Variants in SLCO4C1 observed in about 807,000 individuals in gnomAD.
SLCO4C1 encodes the protein solute carrier organic anion transporter family member 4C1, also known as organic anion transporter M1.
SLCO4C1 carries 58 observed loss-of-function variants against 72.1 expected under a neutral mutation model. The observed-to-expected ratio is 0.80, with a 90% CI of 0.65 to 1.00. The LOEUF is 1.00. SLCO4C1 is among the 50% of genes least tolerant of loss of function. SLCO4C1 has a pLI of 0.00. For synonymous variants in SLCO4C1, 297 were observed against 312.5 expected (o/e 0.95, Z 0.52); for missense variants, 898 against 857.9 (o/e 1.05, Z -0.58).
chr5:102,288,994 C>T (rs1191392188), intron 2 of SLCO4C1, among the ~76,000 whole-genome samples: 1 of 152,110 alleles, frequency 6.6e-6, no homozygotes, highest in African/African-American at 2.4e-5. Context: ...CATGTGTAGT[C>T]CATATCAATA....
chr5:102,295,859 C>T, intron 1 of SLCO4C1, 49 bp downstream of exon 1: 3 of 1,536,404 alleles, frequency 2.0e-6, no homozygotes, highest in Non-Finnish European at 1.8e-6. Context: ...CTCGCCGTGC[C>T]CACCTCGCTC....
chr5:102,262,140 AT>A, intron 4 of SLCO4C1, 107 bp from the exon 5 acceptor site: 1 of 815,022 alleles, frequency 1.2e-6, no homozygotes, highest in Non-Finnish European at 1.8e-6. Context: ...GTAGAATATG[AT>A]TATAATATCC....
rs1470003346 is a variant in SLCO4C1, at chr5:102,263,310, TCA to T, written c.899+372_899+373del. ...GTTACTATGGAACATTTTCTGAGAA[TCA>T]CAGACTCTTGAGACTCTTCAGACTA... On this transcript the variant is annotated intron_variant, in intron 4 of 12. Transcript: ENST00000310954. 5.3e-5 allele frequency among the ~76,000 whole-genome samples: 8 copies of T among 152,266 alleles called. No homozygotes were observed. The South Asian group carries it at 8.3e-4, about 16-fold the overall frequency.
chr5:102,284,734 T>C (rs1183978062), intron 2 of SLCO4C1, among the ~76,000 whole-genome samples: 1 of 152,188 alleles, frequency 6.6e-6, no homozygotes, highest in African/African-American at 2.4e-5. Flanking sequence ...CAGAAATGTT[T>C]GGACATGTTT....
At chr5:102,284,190 G>A (rs374267894) in intron 2 of SLCO4C1, among the ~76,000 whole-genome samples, 10 of 151,854 alleles carry the variant, frequency 6.6e-5, no homozygotes, top group African/African-American at 2.4e-4. Context: ...TGGAAAATGT[G>A]GACAGAGAAT....
chr5:102,241,120 T>C (rs1748532383), intron 10 of SLCO4C1, among the ~76,000 whole-genome samples: 1 of 152,196 alleles, frequency 6.6e-6, no homozygotes, highest in Non-Finnish European at 1.5e-5. Flanking sequence ...CTCAATATAA[T>C]AGAGCCCAAA....
At chr5:102,286,218 T>C (rs1429714347) in intron 2 of SLCO4C1, among the ~76,000 whole-genome samples, 1 of 152,096 alleles carries the variant, frequency 6.6e-6, no homozygotes, top group Non-Finnish European at 1.5e-5. Flanking sequence ...GGAAAGGAGA[T>C]GGAAAAGAGA....
rs763213118 is a variant in SLCO4C1 at position 102,291,383 on chromosome 5, T to C, written c.579A>G (p.Gln193=). ...GLGALVFSLP[Q]FFSGEYKLGS... is the part of the protein sequence containing the mutation. ...CCAATTTATATTCTCCACTGAAAAA[T>C]TGTGGCAATGAGAATACAAGTGCTC... Residue 193 remains glutamine, a synonymous_variant, in exon 2 of 13, where the codon CAA becomes CAG. Transcript: ENST00000310954. The C allele has an allele frequency of 1.3e-4, 203 of 1,613,934 alleles. 1 individual carries two copies. In the East Asian group the frequency reaches 3.7e-3, roughly 29 times the overall value.
chr5:102,267,056 A>G (rs1749054912), intron 3 of SLCO4C1, among the ~76,000 whole-genome samples: 1 of 152,098 alleles, frequency 6.6e-6, no homozygotes, highest in South Asian at 2.1e-4. Flanking sequence ...ATTTGTATCT[A>G]TGTTCATTAG....
chr5:102,281,960 T>G (rs1254434194), intron 2 of SLCO4C1, among the ~76,000 whole-genome samples: 2 of 152,130 alleles, frequency 1.3e-5, no homozygotes, highest in Non-Finnish European at 2.9e-5. Flanking sequence ...ACACTAATGT[T>G]TGTAGCTTTA....
At position 102,291,370 on chromosome 5, in the gene SLCO4C1, C is replaced by G. The variant is rs773202248; in HGVS notation, c.592G>C (p.Glu198Gln). ...VFSLPQFFSGEYKLGSLFEDT... is the reference protein window; with the variant it reads ...VFSLPQFFSGQYKLGSLFEDT... The stretch of plus-strand genomic sequence containing the variant: ...TCAAAAAGAGACCCCAATTTATATT[C>G]TCCACTGAAAAATTGTGGCAATGAG... Residue 198 changes from glutamate to glutamine, a missense_variant, in exon 2 of 13, where the codon GAA (glutamate) becomes CAA (glutamine). Glu to Gln is a conservative substitution (Grantham distance 29). Transcript: ENST00000310954. The G allele has an allele frequency of 1.2e-6, 2 of 1,613,774 alleles. No homozygotes were observed. Among genetic ancestry groups the G allele is most frequent in the Non-Finnish European group, 1.7e-6 (2 of 1,179,944 alleles).
At chr5:102,259,392 AAG>A (rs1748896167) in intron 6 of SLCO4C1, among the ~76,000 whole-genome samples, 1 of 152,172 alleles carries the variant, frequency 6.6e-6, no homozygotes, top group Non-Finnish European at 1.5e-5. Context: ...GAACTACTGT[AAG>A]AGAAAATAAC....
At position 102,258,027 on chromosome 5, in the gene SLCO4C1, T is replaced by C. The variant is rs774375898; in HGVS notation, c.1189A>G (p.Ile397Val). Residue 397 changes from isoleucine (I) to valine (V), a missense_variant, in exon 7 of 13, where the codon ATT becomes GTT. Ile to Val is a conservative substitution (Grantham distance 29, BLOSUM62 3). Transcript: ENST00000310954. ...LVLSTSSEAL[I>V]TTGFATFLPK... Reference sequence around the variant, plus strand: ...AAAAATGTAGCAAATCCAGTAGTAATTAAGGCTTCTGAAGAAGTTGATAGA... The same window carrying C: ...AAAAATGTAGCAAATCCAGTAGTAACTAAGGCTTCTGAAGAAGTTGATAGA... 4.4e-6 allele frequency: 7 copies of C among 1,606,192 alleles called. No individual in the cohort carries two copies. In the Admixed American group the frequency reaches 1.2e-4, roughly 27 times the overall value.
chr5:102,277,847 G>A (rs895038059), intron 2 of SLCO4C1, among the ~76,000 whole-genome samples: 2 of 151,584 alleles, frequency 1.3e-5, no homozygotes, highest in South Asian at 2.1e-4. Context: ...CACTCAAAAA[G>A]TTATACAAAG....
chr5:102,239,226 A>G, intron 12 of SLCO4C1, 25 bp downstream of exon 12: 3 of 1,526,994 alleles, frequency 2.0e-6, no homozygotes, highest in Non-Finnish European at 2.6e-6. Flanking sequence ...GTTTACTCTA[A>G]AATTATCAAG....
intron 2 of SLCO4C1, among the ~76,000 whole-genome samples, chr5:102,286,706 A>C (rs1440487838): frequency 1.3e-5 from 2 of 152,106 alleles, no homozygotes; most frequent in Non-Finnish European, 2.9e-5. Context: ...TCTCCATTCA[A>C]AGTTAATCAC....
intron 2 of SLCO4C1, among the ~76,000 whole-genome samples, chr5:102,280,308 A>G (rs1749331162): frequency 6.6e-6 from 1 of 151,992 alleles, no homozygotes; most frequent in Non-Finnish European, 1.5e-5. Context: ...TATACTGGCA[A>G]TGAACATATG....
chr5:102,281,568 C>T (rs1044638620), intron 2 of SLCO4C1, among the ~76,000 whole-genome samples: 1 of 152,016 alleles, frequency 6.6e-6, no homozygotes, highest in African/African-American at 2.4e-5. Flanking sequence ...ACTCGGAAAA[C>T]ATAAATGTCT....
At chr5:102,237,074 A>T (rs1748451087) in intron 12 of SLCO4C1, 56 bp from the exon 13 acceptor site, 2 of 1,464,692 alleles carry the variant, frequency 1.4e-6, no homozygotes, top group African/African-American at 2.9e-5. Flanking sequence ...GATAAAAATT[A>T]TCACTGAGAA....
Sources: allele counts gnomAD v4.1 joint callset (sites outside exome capture counted in the v4.1 genomes callset), GRCh38; gene constraint gnomAD v4.1.1; transcripts MANE v1.5; gene names NCBI Gene and HGNC (gene_info 2026-07-23, HGNC 2026-07-21).